The following ACER3 variants were observed in gnomAD, a reference collection of about 807,000 sequenced individuals.
ACER3 encodes the protein alkCDase 3.
A neutral mutation model predicts 48.9 loss-of-function variants in ACER3; 16 were observed. The observed-to-expected ratio is 0.33, with a 90% CI of 0.22 to 0.50. The LOEUF is 0.50. Among genes scored for constraint, ACER3 ranks in the 20% least tolerant of loss-of-function variants. The pLI is 0.98. For synonymous variants in ACER3, 109 were observed against 107.8 expected (o/e 1.01, Z -0.07); for missense variants, 227 against 326.0 (o/e 0.70, Z 2.34).
chr11:76,935,090 A>G (rs1947139298), intron 2 of ACER3, among the ~76,000 whole-genome samples: 1 of 152,210 alleles, frequency 6.6e-6, no homozygotes, highest in South Asian at 2.1e-4. Context: ...CGAACTTAAT[A>G]AAGAAATTAA....
At chr11:76,903,213 G>A (rs1946125829) in intron 1 of ACER3, among the ~76,000 whole-genome samples, 1 of 151,958 alleles carries the variant, frequency 6.6e-6, no homozygotes, top group Non-Finnish European at 1.5e-5. Flanking sequence ...TACCTGGACA[G>A]TTCAAACCTG....
chr11:76,879,984 A>G (rs963704), intron 1 of ACER3, among the ~76,000 whole-genome samples: 90,565 of 151,908 alleles, frequency 0.6, 29,349 homozygotes, highest in Non-Finnish European at 0.74. Flanking sequence ...AATTATTTCT[A>G]ATATTTCCTT....
intron 4 of ACER3, among the ~76,000 whole-genome samples, chr11:76,983,333 T>C (rs185014291): frequency 3.7e-4 from 56 of 152,328 alleles, no homozygotes; most frequent in African/African-American, 1.3e-3. Flanking sequence ...TTTTTTTCTT[T>C]TTTGACATGG....
At chr11:77,004,295 C>T (rs1299538534) in intron 7 of ACER3, among the ~76,000 whole-genome samples, 12 of 152,148 alleles carry the variant, frequency 7.9e-5, no homozygotes, top group East Asian at 1.9e-4. Context: ...CCCAAAGTGT[C>T]GAGTATACAA....
chr11:76,919,253 T>C (rs549650946), intron 1 of ACER3, among the ~76,000 whole-genome samples: 1 of 152,344 alleles, frequency 6.6e-6, no homozygotes, highest in South Asian at 2.1e-4. Context: ...GAAAACCGTT[T>C]AGATTGTGGA....
chr11:76,907,755 C>G (rs551547111), intron 1 of ACER3, among the ~76,000 whole-genome samples: 1 of 152,050 alleles, frequency 6.6e-6, no homozygotes, highest in African/African-American at 2.4e-5. Flanking sequence ...CCTATAGTCC[C>G]AGCTTCTTGG....
intron 1 of ACER3, among the ~76,000 whole-genome samples, chr11:76,884,456 TC>T (rs11335273): frequency 0.11 from 16,417 of 152,088 alleles, 2,936 homozygotes; most frequent in African/African-American, 0.37. Flanking sequence ...ACAGTAAAAG[TC>T]CCCCAAATCA....
At chr11:76,904,030 A>G (rs1453086676) in intron 1 of ACER3, among the ~76,000 whole-genome samples, 7 of 152,150 alleles carry the variant, frequency 4.6e-5, no homozygotes, top group Non-Finnish European at 8.8e-5. Flanking sequence ...TCTGTCACCC[A>G]GGTTGGAGTG....
At chr11:76,910,839 G>C (rs755550321) in intron 1 of ACER3, among the ~76,000 whole-genome samples, 6 of 152,152 alleles carry the variant, frequency 3.9e-5, no homozygotes, top group Admixed American at 2.0e-4. Context: ...GTTGTACTGT[G>C]TAATGCACCC....
In ACER3 at chr11:77,021,728, CTGT is replaced by C. The variant is rs1949476331; in HGVS notation, c.*1405_*1407del. ...TTTCTTATGCAAAGATGGTAAAACA[CTGT>C]TGTCATTTTTTCCAGTATTCAATAA... On this transcript the variant is annotated 3_prime_UTR_variant, in exon 11 of 11. Coordinates refer to ENST00000532485, the MANE Select transcript of ACER3 (RefSeq NM_018367.7). The C allele has an allele frequency of 6.6e-6, 1 of 152,148 alleles. No homozygotes were observed. The allele number at this position is 152,148 out of a possible 1,614,324, so 9.4% of individuals were successfully genotyped here.
At chr11:76,901,291 A>G (rs1946077035) in intron 1 of ACER3, among the ~76,000 whole-genome samples, 1 of 152,112 alleles carries the variant, frequency 6.6e-6, no homozygotes, top group African/African-American at 2.4e-5. Flanking sequence ...AAAACTTTTA[A>G]AAGGCAGTTC....
intron 2 of ACER3, among the ~76,000 whole-genome samples, chr11:76,949,490 T>A (rs1182052135): frequency 6.6e-6 from 1 of 152,214 alleles, no homozygotes; most frequent in Non-Finnish European, 1.5e-5. Context: ...AAATGTTTTA[T>A]TCTTCATGTG....
chr11:76,959,375 A>G (rs527691104), intron 3 of ACER3, among the ~76,000 whole-genome samples: 12 of 152,298 alleles, frequency 7.9e-5, no homozygotes, highest in Admixed American at 1.3e-4. Context: ...GCATTCTTTC[A>G]TGGCTGTATG....
chr11:76,950,030 T>G (rs1947599023), intron 2 of ACER3, among the ~76,000 whole-genome samples: 1 of 152,156 alleles, frequency 6.6e-6, no homozygotes, highest in African/African-American at 2.4e-5. Context: ...TGCTATCACT[T>G]AGGACTCTGC....
intron 2 of ACER3, among the ~76,000 whole-genome samples, chr11:76,956,994 A>G (rs529052306): frequency 6.6e-6 from 1 of 152,190 alleles, no homozygotes; most frequent in African/African-American, 2.4e-5. Context: ...TGACGCCCCT[A>G]CTCACTACAT....
chr11:76,967,065 A>C (rs1948156953), intron 3 of ACER3, among the ~76,000 whole-genome samples: 1 of 152,206 alleles, frequency 6.6e-6, no homozygotes, highest in Non-Finnish European at 1.5e-5. Flanking sequence ...CGCTAGCAAG[A>C]CTAATAAAGA....
At chr11:76,915,349 C>T (rs1196204433) in intron 1 of ACER3, among the ~76,000 whole-genome samples, 2 of 152,018 alleles carry the variant, frequency 1.3e-5, no homozygotes, top group Non-Finnish European at 2.9e-5. Context: ...GCTTTCCTTA[C>T]CCTTTGGAAT....
intron 1 of ACER3, among the ~76,000 whole-genome samples, chr11:76,887,381 A>C (rs541005246): frequency 6.6e-6 from 1 of 152,240 alleles, no homozygotes; most frequent in Non-Finnish European, 1.5e-5. Context: ...GTAGGTGATG[A>C]GAAAGCAAAG....
At chr11:76,982,337 C>T (rs544181232) in intron 4 of ACER3, among the ~76,000 whole-genome samples, 1 of 151,962 alleles carries the variant, frequency 6.6e-6, no homozygotes, top group South Asian at 2.1e-4. Context: ...CTGCCTCAGC[C>T]TCCCAAGTAG....
Sources: allele counts gnomAD v4.1 joint callset (sites outside exome capture counted in the v4.1 genomes callset), GRCh38; gene constraint gnomAD v4.1.1; transcripts MANE v1.5; gene names NCBI Gene and HGNC (gene_info 2026-07-23, HGNC 2026-07-21).